The following BUB1 variants were observed in gnomAD, a reference collection of about 807,000 sequenced individuals.
BUB1 encodes the protein mitotic checkpoint serine/threonine-protein kinase BUB1.
BUB1 carries 84 observed loss-of-function variants against 135.2 expected under a neutral mutation model. The ratio of observed to expected loss-of-function variants is 0.62; its 90% confidence interval spans 0.52 to 0.74. The LOEUF (loss-of-function observed/expected upper bound fraction) is 0.74. BUB1 is among the 30% of genes least tolerant of loss of function. The probability of loss-of-function intolerance (pLI) is 0.00; values close to 1 mark genes in which losing one functional copy is unlikely to be tolerated. For synonymous variants in BUB1, 403 were observed against 434.4 expected, an observed-to-expected ratio of 0.93 and a Z score of 0.90; for missense variants, 1,162 against 1,288.3, an observed-to-expected ratio of 0.90 and a Z score of 1.50.
At chr2:110,645,568 A>C (rs1328662183) in intron 19 of BUB1, among the ~76,000 whole-genome samples, 1 of 151,252 alleles carries the variant, frequency 6.6e-6, no homozygotes, top group Non-Finnish European at 1.5e-5. Context: ...ATCAGCATAG[A>C]AAATGGCGTT....
chr2:110,641,910 A>G, intron 20 of BUB1, 107 bp from the exon 21 acceptor site: 1 of 1,286,994 alleles, frequency 7.8e-7, no homozygotes, highest in Non-Finnish European at 1.1e-6. Flanking sequence ...TAGTGATGAC[A>G]AGCTATGAAC....
chr2:110,671,580 C>T (rs547243626), intron 4 of BUB1, among the ~76,000 whole-genome samples: 2 of 152,186 alleles, frequency 1.3e-5, no homozygotes, highest in South Asian at 4.2e-4. Flanking sequence ...GAAGAGTAAA[C>T]AATTGGTATA....
rs759636990 is a variant in BUB1, at chr2:110,641,212, TAAACAC to T, written c.2784-13_2784-8del. On this transcript the variant is annotated splice_polypyrimidine_tract_variant and splice_region_variant and intron_variant, in intron 22 of 24. Transcript: ENST00000302759. ...ATCATCCTGTTCCAAAAATCTATAT[TAAACAC>T]AAACAAAGCCAGGCTGCATGAGCAC... The T allele has an allele frequency of 6.3e-7, 1 of 1,592,974 alleles. No homozygotes were observed. Among genetic ancestry groups the T allele is most frequent in the Non-Finnish European group, 8.5e-7 (1 of 1,170,154 alleles).
intron 6 of BUB1, among the ~76,000 whole-genome samples, chr2:110,668,688 A>C (rs926973389): frequency 3.3e-5 from 5 of 152,278 alleles, no homozygotes; most frequent in South Asian, 4.2e-4. Context: ...GGCAGAAGAG[A>C]TCTCCACAGG....
At chr2:110,677,906 C>G in intron 1 of BUB1, 64 bp downstream of exon 1, 1 of 1,554,674 alleles carries the variant, frequency 6.4e-7, no homozygotes, top group Non-Finnish European at 8.7e-7. Flanking sequence ...CTGGGGCGGG[C>G]CGGGCCCGAA....
In BUB1 at chr2:110,666,250, G is replaced by A. The variant is rs1475239603; in HGVS notation, c.957+13C>T. 7.3e-7 allele frequency: 1 copy of A among 1,364,198 alleles called. No individual in the cohort carries two copies. Among genetic ancestry groups the A allele is most frequent in the Admixed American group, 2.7e-5 (1 of 36,692 alleles). 84.5% of individuals were successfully genotyped at this position (1,364,198 alleles called of 1,614,324 possible). A position where few individuals can be genotyped will look rare whatever the true frequency, so the allele number is the denominator to read the frequency against. The stretch of plus-strand genomic sequence containing the variant: ...TGCTGGGCACAGGATGTGTCATGAG[G>A]AGCACAACATACCTCGGACCTTTCC... On this transcript the variant is annotated intron_variant, in intron 9 of 24. Coordinates refer to ENST00000302759, the MANE Select transcript of BUB1 (RefSeq NM_004336.5).
intron 17 of BUB1, 36 bp downstream of exon 17, chr2:110,653,400 A>G: frequency 6.3e-7 from 1 of 1,575,730 alleles, no homozygotes; most frequent in South Asian, 1.1e-5. Flanking sequence ...AATGAAAATG[A>G]AGAGAATGGC....
chr2:110,670,849 G>A (rs1004692861), intron 4 of BUB1, among the ~76,000 whole-genome samples: 2 of 152,040 alleles, frequency 1.3e-5, no homozygotes, highest in African/African-American at 2.4e-5. Context: ...TCTTCTCCAC[G>A]TGTCAAGTCT....
chr2:110,649,100 A>T, intron 19 of BUB1, 134 bp downstream of exon 19: 1 of 781,576 alleles, frequency 1.3e-6, no homozygotes, highest in Admixed American at 3.0e-5. Flanking sequence ...TCAGTTTAGT[A>T]TTACAGATAC....
At chr2:110,652,422 T>C (rs552207330) in intron 17 of BUB1, among the ~76,000 whole-genome samples, 1 of 152,304 alleles carries the variant, frequency 6.6e-6, no homozygotes, top group South Asian at 2.1e-4. Context: ...CTCTCTAATG[T>C]TCCTAAGCAC....
chr2:110,641,969 A>C, intron 20 of BUB1, 150 bp downstream of exon 20: 1 of 1,017,916 alleles, frequency 9.8e-7, no homozygotes, highest in Admixed American at 2.9e-5. Flanking sequence ...GTGGGAAAAA[A>C]ATTCTAAATC....
In BUB1 at chr2:110,667,603, C is replaced by G. The variant is rs772171898; in HGVS notation, c.723G>C (p.Lys241Asn). Reference sequence around the variant, plus strand: ...AAAATTCTGATTCCCCACGAATAAGCTTCTCCTTGCAATACATAACAACCT... The same window carrying G: ...AAAATTCTGATTCCCCACGAATAAGGTTCTCCTTGCAATACATAACAACCT... ...VEQVVMYCKE[K>N]LIRGESEFSF... Residue 241 changes from lysine (K) to asparagine (N), a missense_variant, in exon 8 of 25, where the codon AAG becomes AAC. Coordinates refer to ENST00000302759, the MANE Select transcript of BUB1 (RefSeq NM_004336.5). 6.2e-7 allele frequency: 1 copy of G among 1,614,022 alleles called. No individual in the cohort carries two copies. Among genetic ancestry groups the G allele is most frequent in the South Asian group, 1.1e-5 (1 of 91,062 alleles).
chr2:110,674,138 T>A lies in BUB1; in HGVS notation c.173A>T (p.Asp58Val). Residue 58 changes from aspartate to valine, a missense_variant, in exon 3 of 25, where the codon GAT becomes GTT. Coordinates refer to ENST00000302759, the MANE Select transcript of BUB1 (RefSeq NM_004336.5). Reference protein sequence around the residue: ...LLEHLMKEFLDKKKYHNDPRF... With the variant: ...LLEHLMKEFLVKKKYHNDPRF... The stretch of plus-strand genomic sequence containing the variant: ...TGGGTCATTGTGGTATTTCTTCTTA[T>A]CTAAAAATTCCTTCATTAAATGTTC... 1 of 1,571,934 alleles carries A rather than the reference T, an allele frequency of 6.4e-7. No individual in the cohort carries two copies. Among genetic ancestry groups the A allele is most frequent in the Non-Finnish European group, 8.8e-7 (1 of 1,142,612 alleles).
intron 13 of BUB1, 86 bp downstream of exon 13, chr2:110,658,324 A>C: frequency 9.2e-7 from 1 of 1,084,684 alleles, no homozygotes; most frequent in South Asian, 1.6e-5. Context: ...AATCAAGGGC[A>C]GGGTCACCTC....
chr2:110,650,597 G>A lies in BUB1; in HGVS notation c.2152C>T (p.Leu718Phe), dbSNP rs755350549. The A allele has an allele frequency of 9.9e-6, 16 of 1,613,734 alleles. No homozygotes were observed. The Admixed American group carries it at 2.7e-4, about 27-fold the overall frequency. ...CTCATCTGCATCCATTCTGCTTGGA[G>A]CCCAGCAATAGCATCTGGTGGATCT... Reference protein sequence around the residue: ...AEDPPDAIAGLQAEWMQMSSL... With the variant: ...AEDPPDAIAGFQAEWMQMSSL... The change falls in exon 18 of 25, where the codon CTC becomes TTC. Residue 718 changes from leucine to phenylalanine, a missense_variant. Coordinates refer to ENST00000302759, the MANE Select transcript of BUB1 (RefSeq NM_004336.5).
At chr2:110,658,304 G>T in intron 13 of BUB1, 106 bp downstream of exon 13, 1 of 833,530 alleles carries the variant, frequency 1.2e-6, no homozygotes, top group Non-Finnish European at 1.8e-6. Flanking sequence ...CTGCCTTTAT[G>T]TGACAAGCTA....
intron 6 of BUB1, among the ~76,000 whole-genome samples, chr2:110,668,280 A>T (rs1690320600): frequency 6.6e-6 from 1 of 152,064 alleles, no homozygotes; most frequent in South Asian, 2.1e-4. Context: ...CACTAAACAA[A>T]TATTTGCCAG....
Position 110,664,844 on chromosome 2 carries a change from C to T in BUB1, c.957+1419G>A, listed in dbSNP as rs926207207. Among the ~76,000 whole-genome samples the T allele has an allele frequency of 5.3e-5, 8 of 152,200 alleles. No individual in the cohort carries two copies. In the South Asian group the frequency reaches 1.0e-3, roughly 20 times the overall value. On this transcript the variant is annotated intron_variant, in intron 9 of 24. Coordinates refer to ENST00000302759, the MANE Select transcript of BUB1 (RefSeq NM_004336.5). Reference sequence around the variant, plus strand: ...TTAAAGGAAAGAAGTTAAACAGCCACGAAATGTATCCAAAAAATGTCCAAA... The same window carrying T: ...TTAAAGGAAAGAAGTTAAACAGCCATGAAATGTATCCAAAAAATGTCCAAA...
intron 9 of BUB1, among the ~76,000 whole-genome samples, chr2:110,662,846 A>G (rs1690134768): frequency 6.6e-6 from 1 of 152,200 alleles, no homozygotes. Flanking sequence ...GGGCAAGAAT[A>G]GTTATTTTAC....
Sources: allele counts gnomAD v4.1 joint callset (sites outside exome capture counted in the v4.1 genomes callset), GRCh38; gene constraint gnomAD v4.1.1; transcripts MANE v1.5; gene names NCBI Gene and HGNC (gene_info 2026-07-23, HGNC 2026-07-21).